The following PLEKHM3 variants were observed in gnomAD, a reference collection of about 807,000 sequenced individuals.
The protein encoded by PLEKHM3 is pleckstrin homology domain-containing family M member 3.
In PLEKHM3, 45 loss-of-function variants were observed where a neutral mutation model predicts 81.8. The ratio of observed to expected loss-of-function variants is 0.55; its 90% confidence interval spans 0.43 to 0.71. PLEKHM3 has a LOEUF of 0.71. Ranked by LOEUF, PLEKHM3 falls within the 30% of genes least tolerant of loss-of-function variation. The pLI, the probability that PLEKHM3 is intolerant of heterozygous loss-of-function variation, is 0.00. For missense variants in PLEKHM3, 788 were observed against 924.3 expected (o/e 0.85, Z 1.91); for synonymous variants, 352 against 356.4 (o/e 0.99, Z 0.14).
At chr2:207,947,330 C>A (rs573932521) in intron 3 of PLEKHM3, among the ~76,000 whole-genome samples, 43 of 152,352 alleles carry the variant, frequency 2.8e-4, no homozygotes, top group Non-Finnish European at 4.9e-4. Context: ...TGGTTGCCTA[C>A]AATGCCCTTT....
intron 6 of PLEKHM3, among the ~76,000 whole-genome samples, chr2:207,865,793 AAAAAAAAAAGAT>A (rs2092493242): frequency 7.9e-5 from 3 of 37,794 alleles, no homozygotes; most frequent in African/African-American, 4.5e-4. Context: ...AAAAAAAAAA[AAAAAAAAAAGAT>A]ATATATATAT....
At chr2:207,886,490 C>T (rs1299558034) in intron 6 of PLEKHM3, among the ~76,000 whole-genome samples, 3 of 152,192 alleles carry the variant, frequency 2.0e-5, no homozygotes, top group East Asian at 3.9e-4. Flanking sequence ...TTATTTAAAT[C>T]GAGTCATTTA....
At chr2:207,958,115 T>C (rs763867459) in intron 3 of PLEKHM3, among the ~76,000 whole-genome samples, 2 of 152,184 alleles carry the variant, frequency 1.3e-5, no homozygotes, top group Non-Finnish European at 2.9e-5. Flanking sequence ...CTTAATCACT[T>C]TTCTCTGCTA....
intron 6 of PLEKHM3, chr2:207,901,212 C>T: frequency 2.8e-6 from 2 of 702,178 alleles, no homozygotes; most frequent in Non-Finnish European, 5.2e-6. Flanking sequence ...TGACTTTGTC[C>T]TTAGTGCCGC....
chr2:207,847,895 C>A (rs530438968), intron 7 of PLEKHM3, among the ~76,000 whole-genome samples: 2 of 152,232 alleles, frequency 1.3e-5, no homozygotes, highest in South Asian at 2.1e-4. Context: ...CCCTGAAGAC[C>A]GGCCTAGCCA....
At chr2:207,947,868 T>A (rs1690187818) in intron 3 of PLEKHM3, among the ~76,000 whole-genome samples, 1 of 152,212 alleles carries the variant, frequency 6.6e-6, no homozygotes, top group Non-Finnish European at 1.5e-5. Context: ...AATGAAAGTA[T>A]CACAAGACTC....
At chr2:207,913,703 G>T (rs1490738375) in intron 5 of PLEKHM3, among the ~76,000 whole-genome samples, 2 of 150,350 alleles carry the variant, frequency 1.3e-5, no homozygotes, top group African/African-American at 2.4e-5. Flanking sequence ...AGCTAAAGAA[G>T]GATGTAGGAC....
intron 3 of PLEKHM3, among the ~76,000 whole-genome samples, chr2:207,960,722 G>C (rs1049189293): frequency 1.3e-5 from 2 of 152,198 alleles, no homozygotes; most frequent in African/African-American, 4.8e-5. Context: ...GATCACACAG[G>C]AGAGTCGGGC....
chr2:207,956,454 C>T lies in PLEKHM3; in HGVS notation c.1547-9942G>A, dbSNP rs114067141. Among the ~76,000 whole-genome samples, 230 of 151,442 alleles carry T rather than the reference C, an allele frequency of 1.5e-3. 2 individuals carry two copies. Among genetic ancestry groups the T allele is most frequent in the African/African-American group, 5.2e-3 (216 of 41,240 alleles). On this transcript the variant is annotated intron_variant, in intron 3 of 7. Transcript: ENST00000427836. ...AACCATTGCACTCCAGCTTGGGCAA[C>T]GGTATGAGACTCCATCTCAAAAAAA...
intron 5 of PLEKHM3, among the ~76,000 whole-genome samples, chr2:207,914,486 G>A (rs1335401102): frequency 1.3e-5 from 2 of 148,734 alleles, no homozygotes; most frequent in South Asian, 2.1e-4. Context: ...CAATAAGAAT[G>A]AAACTCCGTC....
chr2:207,981,509 C>A (rs541725971), intron 2 of PLEKHM3, among the ~76,000 whole-genome samples: 61 of 152,176 alleles, frequency 4.0e-4, no homozygotes, highest in African/African-American at 1.4e-3. Context: ...TGATACCTGG[C>A]TTATTTTTTT....
rs141013516 is a variant in PLEKHM3, at chr2:207,998,467, T to A, written c.610+2563A>T. Reference sequence around the variant, plus strand: ...ACTGAGGCTGCAGTGAGCTATGATTTACACCACTGCACTCCAACCTGGGCA... The same window carrying A: ...ACTGAGGCTGCAGTGAGCTATGATTAACACCACTGCACTCCAACCTGGGCA... On this transcript the variant is annotated intron_variant, in intron 2 of 7. Coordinates refer to ENST00000427836, the MANE Select transcript of PLEKHM3 (RefSeq NM_001080475.3). Among the ~76,000 whole-genome samples, 411 of 152,246 alleles carry A rather than the reference T, an allele frequency of 2.7e-3. 4 individuals are homozygous for A. Among genetic ancestry groups the A allele is most frequent in the African/African-American group, 9.5e-3 (396 of 41,544 alleles).
chr2:208,004,847 C>T (rs554082138), intron 1 of PLEKHM3, among the ~76,000 whole-genome samples: 11 of 151,964 alleles, frequency 7.2e-5, no homozygotes, highest in South Asian at 2.1e-4. Flanking sequence ...TTTTTCAAGA[C>T]GGAGTTTTGC....
chr2:207,841,771 A>T (rs1309989158), intron 7 of PLEKHM3, among the ~76,000 whole-genome samples: 3 of 150,738 alleles, frequency 2.0e-5, no homozygotes, highest in Non-Finnish European at 3.0e-5. Context: ...AATCTTTTTG[A>T]CTCTTGTTCT....
chr2:207,953,236 T>C (rs1690391532), intron 3 of PLEKHM3, among the ~76,000 whole-genome samples: 1 of 152,218 alleles, frequency 6.6e-6, no homozygotes, highest in Non-Finnish European at 1.5e-5. Flanking sequence ...AAAATTATTT[T>C]CTCCATAAGC....
At chr2:207,966,592 G>A (rs977310371) in intron 3 of PLEKHM3, among the ~76,000 whole-genome samples, 3 of 151,818 alleles carry the variant, frequency 2.0e-5, no homozygotes, top group South Asian at 4.2e-4. Context: ...TCCCTCTGTC[G>A]CCCAGGCTGG....
chr2:207,968,535 C>A (rs1420261008), intron 3 of PLEKHM3, among the ~76,000 whole-genome samples: 1 of 152,164 alleles, frequency 6.6e-6, no homozygotes, highest in Non-Finnish European at 1.5e-5. Context: ...TCAGCTCATT[C>A]CCTTCAAGCC....
intron 6 of PLEKHM3, among the ~76,000 whole-genome samples, chr2:207,892,150 A>G (rs1688078165): frequency 6.6e-6 from 1 of 152,076 alleles, no homozygotes; most frequent in African/African-American, 2.4e-5. Flanking sequence ...CTTGTCTTAT[A>G]CTTTTCTTCA....
In PLEKHM3 at chr2:207,827,091, T is replaced by C. The variant is rs1046490787; in HGVS notation, c.*1228A>G. On this transcript the variant is annotated 3_prime_UTR_variant, in exon 8 of 8. Coordinates refer to ENST00000427836, the MANE Select transcript of PLEKHM3 (RefSeq NM_001080475.3). ...AAGGTGGCAATTATATATGTGTGTG[T>C]ATATATATATATTTATTTAAATAAT... 4 of 151,186 alleles carry C rather than the reference T, an allele frequency of 2.6e-5. No homozygotes were observed. The highest frequency in any genetic ancestry group is 5.9e-5 in the Non-Finnish European group (4 of 67,836). 9.4% of individuals were successfully genotyped at this position (151,186 alleles called of 1,614,324 possible).
Sources: allele counts gnomAD v4.1 joint callset (sites outside exome capture counted in the v4.1 genomes callset), GRCh38; gene constraint gnomAD v4.1.1; transcripts MANE v1.5; gene names NCBI Gene and HGNC (gene_info 2026-07-23, HGNC 2026-07-21).